The following CAMK1D variants were observed in gnomAD, a reference collection of about 807,000 sequenced individuals.
CAMK1D encodes the protein calcium/calmodulin-dependent protein kinase type 1D.
CAMK1D carries 9 observed loss-of-function variants against 47.7 expected under a neutral mutation model. The ratio of observed to expected loss-of-function variants is 0.19; its 90% CI spans 0.11 to 0.33. The LOEUF (loss-of-function observed/expected upper bound fraction) is 0.33. Ranked by LOEUF, CAMK1D falls within the 10% of genes least tolerant of loss-of-function variation. The pLI, the probability that CAMK1D is intolerant of heterozygous loss-of-function variation, is 1.00. For missense variants in CAMK1D, 291 were observed against 488.7 expected, an observed-to-expected ratio of 0.60 and a Z score of 3.81; for synonymous variants, 184 against 184.9, an observed-to-expected ratio of 0.99 and a Z score of 0.04.
intron 2 of CAMK1D, among the ~76,000 whole-genome samples, chr10:12,635,001 A>T (rs572184526): frequency 3.3e-5 from 5 of 152,234 alleles, no homozygotes; most frequent in African/African-American, 1.2e-4. Context: ...GGAAGAGAGG[A>T]TGCAGCCGTG....
Position 12,371,038 on chromosome 10 carries a change from C to A in CAMK1D, c.92+21128C>A, listed in dbSNP as rs1837987694. ...TGTTTTAAGCTGTTATTACAAGAGT[C>A]AAAAAATTAAAAAGTTAAGTTACAG... On this transcript the variant is annotated intron_variant, in intron 1 of 10. Transcript: ENST00000619168. 2.7e-5 allele frequency among the ~76,000 whole-genome samples: 4 copies of A among 149,284 alleles called. No individual in the cohort carries two copies. In the Middle Eastern group the frequency reaches 0.01, roughly 383 times the overall value.
intron 2 of CAMK1D, among the ~76,000 whole-genome samples, chr10:12,660,495 T>G (rs930370128): frequency 1.3e-5 from 2 of 152,194 alleles, no homozygotes; most frequent in South Asian, 4.1e-4. Context: ...GAATTAATTT[T>G]AAAATGTTTT....
intron 1 of CAMK1D, among the ~76,000 whole-genome samples, chr10:12,375,316 T>C (rs1327157856): frequency 6.6e-6 from 1 of 152,260 alleles, no homozygotes; most frequent in Non-Finnish European, 1.5e-5. Context: ...ATGTTTTTGT[T>C]ACTGATAAGT....
chr10:12,383,845 T>C (rs978323114), intron 1 of CAMK1D, among the ~76,000 whole-genome samples: 1 of 152,146 alleles, frequency 6.6e-6, no homozygotes, highest in African/African-American at 2.4e-5. Context: ...AACTTTGTAG[T>C]GGAGGTTCTA....
intron 2 of CAMK1D, among the ~76,000 whole-genome samples, chr10:12,649,630 TTTTG>T (rs1422243228): frequency 6.6e-6 from 1 of 152,212 alleles, no homozygotes; most frequent in Non-Finnish European, 1.5e-5. Context: ...TGTTTTTGTT[TTTTG>T]TTTTTCTTTC....
At chr10:12,384,991 T>C (rs185611133) in intron 1 of CAMK1D, among the ~76,000 whole-genome samples, 10 of 152,248 alleles carry the variant, frequency 6.6e-5, no homozygotes, top group Admixed American at 3.3e-4. Flanking sequence ...CCAAAGAAGG[T>C]ACATGAAAAG....
intron 1 of CAMK1D, among the ~76,000 whole-genome samples, chr10:12,415,711 G>A (rs972648533): frequency 2.7e-5 from 4 of 150,706 alleles, no homozygotes; most frequent in African/African-American, 9.8e-5. Flanking sequence ...TCAGTGCTAA[G>A]AAGTCACTTC....
chr10:12,423,228 C>T (rs768922509), intron 1 of CAMK1D, among the ~76,000 whole-genome samples: 7 of 152,154 alleles, frequency 4.6e-5, no homozygotes, highest in African/African-American at 1.7e-4. Flanking sequence ...AGAAAGGCCC[C>T]TTCGGCCAGG....
At chr10:12,708,013 A>C (rs4436457) in intron 3 of CAMK1D, among the ~76,000 whole-genome samples, 1 of 152,212 alleles carries the variant, frequency 6.6e-6, no homozygotes, top group African/African-American at 2.4e-5. Flanking sequence ...TTTGCCTAAG[A>C]GTGACCGAGG....
intron 2 of CAMK1D, among the ~76,000 whole-genome samples, chr10:12,572,718 A>T (rs931039587): frequency 6.6e-6 from 1 of 152,098 alleles, no homozygotes; most frequent in African/African-American, 2.4e-5. Flanking sequence ...TGTAGCCTCA[A>T]GCTCCTGGGC....
intron 2 of CAMK1D, among the ~76,000 whole-genome samples, chr10:12,625,009 C>G (rs1243888230): frequency 1.3e-5 from 2 of 151,468 alleles, no homozygotes; most frequent in African/African-American, 4.8e-5. Flanking sequence ...TCCTCCTCCT[C>G]CTCCTCCTCC....
intron 1 of CAMK1D, among the ~76,000 whole-genome samples, chr10:12,382,265 A>G (rs1386545252): frequency 1.3e-5 from 2 of 152,132 alleles, no homozygotes; most frequent in Admixed American, 1.3e-4. Flanking sequence ...ATGTGTGCCC[A>G]GCCTCTCACT....
At chr10:12,723,252 G>C (rs762064121) in intron 3 of CAMK1D, among the ~76,000 whole-genome samples, 1 of 152,080 alleles carries the variant, frequency 6.6e-6, no homozygotes, top group East Asian at 1.9e-4. Flanking sequence ...GTGTTTGAAC[G>C]GTCTGAACGG....
intron 2 of CAMK1D, among the ~76,000 whole-genome samples, chr10:12,661,768 T>A (rs965780625): frequency 6.6e-6 from 1 of 152,134 alleles, no homozygotes; most frequent in Non-Finnish European, 1.5e-5. Context: ...GAAGATGAGA[T>A]CTATAGACTG....
intron 2 of CAMK1D, among the ~76,000 whole-genome samples, chr10:12,553,953 G>A (rs1023371870): frequency 4.6e-5 from 7 of 152,312 alleles, no homozygotes; most frequent in African/African-American, 1.4e-4. Context: ...ACTTCCACAC[G>A]TTCCGATGGT....
intron 1 of CAMK1D, among the ~76,000 whole-genome samples, chr10:12,531,185 T>A (rs1358133729): frequency 1.3e-5 from 2 of 152,224 alleles, no homozygotes; most frequent in Non-Finnish European, 2.9e-5. Context: ...CACAGAGTTT[T>A]TATTCACATC....
Position 12,608,083 on chromosome 10 carries a change from A to G in CAMK1D, c.224+54727A>G, listed in dbSNP as rs75546080. 3.8e-3 allele frequency among the ~76,000 whole-genome samples: 582 copies of G among 152,324 alleles called. 7 individuals are homozygous for G. Among genetic ancestry groups the G allele is most frequent in the African/African-American group, 0.013 (554 of 41,558 alleles). ...AGTGAGATTTAATAAAAACAGATTC[A>G]TCAAAGAAAATGTACAGACATGAAG... On this transcript the variant is annotated intron_variant, in intron 2 of 10. Transcript: ENST00000619168.
intron 2 of CAMK1D, among the ~76,000 whole-genome samples, chr10:12,557,434 C>T (rs903278816): frequency 6.6e-6 from 1 of 151,624 alleles, no homozygotes; most frequent in Non-Finnish European, 1.5e-5. Context: ...CGCCTGTAGT[C>T]CCAGCTACTC....
At chr10:12,596,074 C>G (rs1838138544) in intron 2 of CAMK1D, among the ~76,000 whole-genome samples, 1 of 151,980 alleles carries the variant, frequency 6.6e-6, no homozygotes, top group Admixed American at 6.6e-5. Context: ...GATGAGAGAG[C>G]TCTTCAGTCC....
Sources: gnomAD v4.1 joint callset for allele counts (sites outside exome capture counted in the v4.1 genomes callset) on GRCh38, gnomAD v4.1.1 for gene constraint, MANE v1.5 for transcripts, NCBI Gene and HGNC (gene_info 2026-07-23, HGNC 2026-07-21) for gene names.